Variants in GJC1 observed in about 807,000 individuals in gnomAD.
The protein encoded by GJC1 is gap junction gamma-1 protein.
In GJC1, 5 loss-of-function variants were observed where a neutral mutation model predicts 29.3. The observed-to-expected ratio is 0.17, with a 90% CI of 0.09 to 0.36. The LOEUF (loss-of-function observed/expected upper bound fraction) is 0.36. Ranked by LOEUF, GJC1 falls within the 10% of genes least tolerant of loss-of-function variation. The probability of loss-of-function intolerance (pLI) is 1.00; values close to 1 mark genes in which losing one functional copy is unlikely to be tolerated. For missense variants in GJC1, 310 were observed against 496.2 expected (o/e 0.62, Z 3.56); for synonymous variants, 177 against 183.3 (o/e 0.97, Z 0.28).
rs113108075 is a variant in GJC1 at position 44,812,001 on chromosome 17, A to C, written c.-96-4532T>G. On this transcript the variant is annotated intron_variant, in intron 1 of 2. Coordinates refer to ENST00000592524, the MANE Select transcript of GJC1 (RefSeq NM_005497.4). Reference sequence around the variant, plus strand: ...CTGGGCAAGAACAAAACTCTAAAAAAAAAAAACAAAAAACAAAAAACAAAA... The same window carrying C: ...CTGGGCAAGAACAAAACTCTAAAAACAAAAAACAAAAAACAAAAAACAAAA... Among the ~76,000 whole-genome samples, 1,252 of 150,574 alleles carry C rather than the reference A, an allele frequency of 8.3e-3. 14 individuals are homozygous for C. Among genetic ancestry groups the C allele is most frequent in the African/African-American group, 0.025 (1,011 of 40,666 alleles).
chr17:44,808,428 T>TACACACACACACAC (rs56999580), intron 1 of GJC1, among the ~76,000 whole-genome samples: 206 of 147,544 alleles, frequency 1.4e-3, no homozygotes, highest in African/African-American at 2.2e-3. Context: ...CCCTGTCTCT[T>TACACACACACACAC]ACACACACAC....
rs1313878905 is a variant in GJC1 at position 44,805,377 on chromosome 17, T to C, written c.441A>G (p.Glu147=). 2 of 1,614,108 alleles carry C rather than the reference T, an allele frequency of 1.2e-6. No homozygotes were observed. Among genetic ancestry groups the C allele is most frequent in the Non-Finnish European group, 1.7e-6 (2 of 1,180,042 alleles). ...TCTGCTCTTTATTTTCCTTATCACT[T>C]TCTAACTCCATCTCTGGATACATCA... ...DPMMYPEMEL[E]SDKENKEQSQ... is the part of the protein sequence containing the mutation. The change falls in exon 3 of 3, where the codon GAA becomes GAG. Residue 147 remains glutamate (E), a synonymous_variant. Coordinates refer to ENST00000592524, the MANE Select transcript of GJC1 (RefSeq NM_005497.4). The surrounding 1 kb of genome is among the most constrained non-coding windows in gnomAD (Gnocchi z 5.1).
intron 1 of GJC1, among the ~76,000 whole-genome samples, chr17:44,808,428 TACAC>T (rs56999580): frequency 0.35 from 51,897 of 147,364 alleles, 9,330 homozygotes; most frequent in Admixed American, 0.46. Context: ...CCCTGTCTCT[TACAC>T]ACACACACAC....
Position 44,804,266 on chromosome 17 carries a change from G to T in GJC1, c.*361C>A, listed in dbSNP as rs76380929. 7.9e-3 allele frequency: 1,444 copies of T among 183,730 alleles called. 12 individuals are homozygous for T. The highest frequency in any genetic ancestry group is 0.028 in the Middle Eastern group (11 of 396). 11.4% of individuals were successfully genotyped at this position (183,730 alleles called of 1,614,324 possible). A position where few individuals can be genotyped will look rare whatever the true frequency, so the allele number is the denominator to read the frequency against. ...TTAATATAAAAGTATAACTACAGCA[G>T]TTCAATGTACAAATACAAAAAAAGT... On this transcript the variant is annotated 3_prime_UTR_variant, in exon 3 of 3. Coordinates refer to ENST00000592524, the MANE Select transcript of GJC1 (RefSeq NM_005497.4).
intron 1 of GJC1, among the ~76,000 whole-genome samples, chr17:44,825,592 T>A (rs145702877): frequency 0.012 from 1,871 of 151,912 alleles, 40 homozygotes; most frequent in African/African-American, 0.042. Context: ...CTAGCCAACA[T>A]GGTGAAACCC....
chr17:44,828,721 C>T (rs1010289795), intron 1 of GJC1, among the ~76,000 whole-genome samples: 2 of 152,082 alleles, frequency 1.3e-5, no homozygotes, highest in Non-Finnish European at 2.9e-5. Flanking sequence ...GTAAACTTAA[C>T]CCACAACTCA....
At chr17:44,806,746 T>C (rs771403533) in intron 2 of GJC1, among the ~76,000 whole-genome samples, 2 of 151,824 alleles carry the variant, frequency 1.3e-5, no homozygotes, top group Admixed American at 6.6e-5. Flanking sequence ...TTTTGTGAGA[T>C]AGAAATTTAA....
intron 1 of GJC1, among the ~76,000 whole-genome samples, chr17:44,811,689 T>C (rs1023485262): frequency 6.6e-6 from 1 of 152,070 alleles, no homozygotes; most frequent in Non-Finnish European, 1.5e-5. Context: ...GCCTGGCCTC[T>C]TTCTCTTAAT....
intron 1 of GJC1, among the ~76,000 whole-genome samples, chr17:44,824,115 C>T (rs2050143261): frequency 6.6e-6 from 1 of 152,092 alleles, no homozygotes; most frequent in South Asian, 2.1e-4. Flanking sequence ...TCAAGCGATT[C>T]CCCTGCCTCA....
At chr17:44,797,349 G>A (rs188966060), downstream of GJC1, among the ~76,000 whole-genome samples, 177 of 152,158 alleles carry the variant, frequency 1.2e-3, no homozygotes, top group African/African-American at 4.0e-3. Context: ...TTCGTGATCC[G>A]CCCGCCTTGG....
At chr17:44,826,600 G>A (rs1315956471) in intron 1 of GJC1, among the ~76,000 whole-genome samples, 1 of 151,722 alleles carries the variant, frequency 6.6e-6, no homozygotes, top group Non-Finnish European at 1.5e-5. Flanking sequence ...AAAACTCTTT[G>A]GGCAATATAT....
In GJC1 at chr17:44,802,166, C is replaced by T. The variant is rs190589246; in HGVS notation, c.*2461G>A. 1 of 152,274 alleles carries T rather than the reference C, an allele frequency of 6.6e-6. No individual in the cohort carries two copies. The highest frequency in any genetic ancestry group is 1.9e-4 in the East Asian group (1 of 5,194). The allele number at this position is 152,274 out of a possible 1,614,324, so 9.4% of individuals were successfully genotyped here. On this transcript the variant is annotated 3_prime_UTR_variant, in exon 3 of 3. Transcript: ENST00000592524. Reference sequence around the variant, plus strand: ...AGATAACATTCTCATCAAAACAGGCCAAGATGAAACACCAGGGGCACTCTT... The same window carrying T: ...AGATAACATTCTCATCAAAACAGGCTAAGATGAAACACCAGGGGCACTCTT...
intron 1 of GJC1, among the ~76,000 whole-genome samples, chr17:44,824,933 G>T (rs1467171963): frequency 2.1e-5 from 3 of 142,786 alleles, no homozygotes; most frequent in East Asian, 4.1e-4. Context: ...AAAAAAAAAC[G>T]TTGGGATCCA....
chr17:44,812,924 G>A (rs539990800), intron 1 of GJC1: 1 of 152,288 alleles, frequency 6.6e-6, no homozygotes, highest in Non-Finnish European at 1.5e-5. Context: ...TGGGATTACA[G>A]ACGTGAGCCA....
intron 1 of GJC1, among the ~76,000 whole-genome samples, chr17:44,821,928 T>G (rs2050112819): frequency 6.6e-6 from 1 of 151,702 alleles, no homozygotes. Flanking sequence ...TTGGGTGCGG[T>G]GGCTAACACC....
downstream of GJC1, among the ~76,000 whole-genome samples, chr17:44,796,543 T>C (rs981220452): frequency 1.3e-5 from 2 of 152,172 alleles, no homozygotes; most frequent in African/African-American, 2.4e-5. Context: ...ACAATTCTCT[T>C]TCCCCTTTTA....
chr17:44,811,694 C>T (rs1230464410), intron 1 of GJC1, among the ~76,000 whole-genome samples: 2 of 152,014 alleles, frequency 1.3e-5, no homozygotes, highest in African/African-American at 4.8e-5. Flanking sequence ...GCCTCTTTCT[C>T]TTAATATAAT....
intron 1 of GJC1, among the ~76,000 whole-genome samples, chr17:44,812,697 G>T (rs533116609): frequency 6.6e-6 from 1 of 151,732 alleles, no homozygotes; most frequent in East Asian, 1.9e-4. Flanking sequence ...GCCCAGGCTG[G>T]AGTGCAGTGG....
rs1285667833 is a variant in GJC1, at chr17:44,817,300, T to TG, written c.-96-9832dup. Among the ~76,000 whole-genome samples the TG allele has an allele frequency of 3.9e-5, 6 of 152,228 alleles. No homozygotes were observed. The East Asian group carries it at 7.7e-4, about 20-fold the overall frequency. On this transcript the variant is annotated intron_variant, in intron 1 of 2. Coordinates refer to ENST00000592524, the MANE Select transcript of GJC1 (RefSeq NM_005497.4). The stretch of plus-strand genomic sequence containing the variant: ...GCCAGAATTTGAAGTCAGGCAGTCT[T>TG]GCACTAGAGTTTGGACTCTTTCTTG...
Sources: gnomAD v4.1 joint callset for allele counts (sites outside exome capture counted in the v4.1 genomes callset) on GRCh38, gnomAD v4.1.1 for gene constraint, Gnocchi (gnomAD v3.1) non-coding constraint, MANE v1.5 for transcripts, NCBI Gene and HGNC (gene_info 2026-07-23, HGNC 2026-07-21) for gene names.